The following RNF185 variants were observed in gnomAD, a reference collection of about 807,000 sequenced individuals.
The protein encoded by RNF185 is E3 ubiquitin-protein ligase RNF185.
A neutral mutation model predicts 24.9 loss-of-function variants in RNF185; 13 were observed. That is an observed-to-expected ratio of 0.52 (90% CI 0.34 to 0.83). The LOEUF is 0.83. Ranked by LOEUF, RNF185 falls within the 40% of genes least tolerant of loss-of-function variation. The probability of loss-of-function intolerance (pLI) is 0.01; values close to 1 mark genes in which losing one functional copy is unlikely to be tolerated. For missense variants in RNF185, 184 were observed against 244.7 expected (o/e 0.75, Z 1.65); for synonymous variants, 79 against 90.3 (o/e 0.88, Z 0.71).
intron 2 of RNF185, 21 bp from the exon 3 acceptor site, chr22:31,192,663 T>C: frequency 6.2e-7 from 1 of 1,612,616 alleles, no homozygotes; most frequent in Non-Finnish European, 8.5e-7. Flanking sequence ...TGATGACTGG[T>C]TGCCCTGGGG....
chr22:31,203,581 A>G (rs2048283913), intron 6 of RNF185, among the ~76,000 whole-genome samples: 1 of 152,222 alleles, frequency 6.6e-6, no homozygotes, highest in African/African-American at 2.4e-5. Context: ...TACTTAACAA[A>G]TAGTAGGCTT....
At chr22:31,190,210 TC>T (rs772285723) in intron 2 of RNF185, among the ~76,000 whole-genome samples, 24 of 152,340 alleles carry the variant, frequency 1.6e-4, no homozygotes, top group Non-Finnish European at 3.2e-4. Context: ...CCTGAAAAGT[TC>T]CTATAATCTA....
chr22:31,175,692 G>T (rs748721194), intron 1 of RNF185, among the ~76,000 whole-genome samples: 5 of 152,028 alleles, frequency 3.3e-5, no homozygotes, highest in Non-Finnish European at 5.9e-5. Flanking sequence ...AGGGCTGTTG[G>T]GTTCCAGGGA....
intron 1 of RNF185, among the ~76,000 whole-genome samples, chr22:31,174,856 G>T (rs2047965604): frequency 6.6e-6 from 1 of 151,752 alleles, no homozygotes; most frequent in Non-Finnish European, 1.5e-5. Context: ...GATCACCTGA[G>T]GTCAGGAGTT....
chr22:31,201,924 C>G (rs981840606), intron 6 of RNF185, among the ~76,000 whole-genome samples: 1 of 152,050 alleles, frequency 6.6e-6, no homozygotes, highest in Non-Finnish European at 1.5e-5. Flanking sequence ...GTAATGTTAC[C>G]AAGACATACC....
intron 1 of RNF185, among the ~76,000 whole-genome samples, chr22:31,165,128 A>G (rs1923838899): frequency 6.7e-6 from 1 of 148,796 alleles, no homozygotes; most frequent in Non-Finnish European, 1.5e-5. Flanking sequence ...ATGTTGGTCA[A>G]GCTGGTCTGG....
chr22:31,174,891 G>A (rs919738721), intron 1 of RNF185, among the ~76,000 whole-genome samples: 2 of 151,556 alleles, frequency 1.3e-5, no homozygotes, highest in East Asian at 2.0e-4. Flanking sequence ...CCAACATGCT[G>A]AAACTCGGCC....
intron 1 of RNF185, among the ~76,000 whole-genome samples, chr22:31,166,872 A>T (rs1923955825): frequency 6.6e-6 from 1 of 151,908 alleles, no homozygotes; most frequent in Non-Finnish European, 1.5e-5. Context: ...CTGGTCTCGA[A>T]CTCCTGACCT....
At chr22:31,169,240 A>C (rs1924132310) in intron 1 of RNF185, among the ~76,000 whole-genome samples, 1 of 152,070 alleles carries the variant, frequency 6.6e-6, no homozygotes, top group Non-Finnish European at 1.5e-5. Flanking sequence ...TTTGTTGTTA[A>C]GTTTTAGGAG....
In RNF185 at chr22:31,187,000, G is replaced by T. The variant is rs1357306168; in HGVS notation, c.-48-47G>T. The T allele has an allele frequency of 3.1e-6, 4 of 1,294,882 alleles. No individual in the cohort carries two copies. The East Asian group carries it at 9.5e-5, about 31-fold the overall frequency. 80.2% of individuals were successfully genotyped at this position (1,294,882 alleles called of 1,614,324 possible). A position where few individuals can be genotyped will look rare whatever the true frequency, so the allele number is the denominator to read the frequency against. Reference sequence around the variant, plus strand: ...CAGGAATGTTGGCATGGAAGCTGGGGGGAGAGGGCTGCAGAAATGGACAGT... The same window carrying T: ...CAGGAATGTTGGCATGGAAGCTGGGTGGAGAGGGCTGCAGAAATGGACAGT... On this transcript the variant is annotated intron_variant, in intron 1 of 6. Coordinates refer to ENST00000326132, the MANE Select transcript of RNF185 (RefSeq NM_152267.4).
intron 1 of RNF185, among the ~76,000 whole-genome samples, chr22:31,169,953 TC>T (rs1362901288): frequency 6.6e-6 from 1 of 152,092 alleles, no homozygotes; most frequent in African/African-American, 2.4e-5. Context: ...ATCCTTGTCT[TC>T]CAGCTGGCCT....
chr22:31,163,656 T>TTTTTTTTATTTATTTATTTA (rs1555880082), intron 1 of RNF185, among the ~76,000 whole-genome samples: 1 of 141,036 alleles, frequency 7.1e-6, no homozygotes, highest in Non-Finnish European at 1.5e-5. Context: ...TTTTATTTTA[T>TTTTTTTTATTTATTTATTTA]TTTATTTATT....
At chr22:31,190,250 G>A (rs527724440) in intron 2 of RNF185, among the ~76,000 whole-genome samples, 7 of 152,112 alleles carry the variant, frequency 4.6e-5, no homozygotes, top group South Asian at 4.1e-4. Context: ...AGAGCAGTGC[G>A]TTACCTTTTC....
At position 31,187,303 on chromosome 22, in the gene RNF185, A is replaced by G. The variant is rs754337102; in HGVS notation, c.176+33A>G. 6.2e-6 allele frequency: 10 copies of G among 1,610,512 alleles called. No homozygotes were observed. The African/African-American group carries it at 9.4e-5, about 15-fold the overall frequency. ...CCCCTACTTCCACCCCAGAGAGCAC[A>G]TTGCCAAGTTTGGAAAGCCTGTGGC... is the stretch of plus-strand genomic sequence containing the variant. On this transcript the variant is annotated intron_variant, in intron 2 of 6. Coordinates refer to ENST00000326132, the MANE Select transcript of RNF185 (RefSeq NM_152267.4).
intron 1 of RNF185, among the ~76,000 whole-genome samples, chr22:31,165,782 C>T (rs567988811): frequency 1.3e-4 from 20 of 152,262 alleles, no homozygotes; most frequent in South Asian, 1.0e-3. Flanking sequence ...GGGTGCCACT[C>T]TGCTGTATGT....
At chr22:31,198,737 T>G (rs374043061) in intron 5 of RNF185, among the ~76,000 whole-genome samples, 1 of 142,368 alleles carries the variant, frequency 7.0e-6, no homozygotes, top group Non-Finnish European at 1.5e-5. Flanking sequence ...TTTTTGAGTT[T>G]GAATAATGGC....
chr22:31,193,849 AAAAC>A (rs1028677843), intron 3 of RNF185, among the ~76,000 whole-genome samples: 95 of 152,140 alleles, frequency 6.2e-4, no homozygotes, highest in African/African-American at 2.2e-3. Context: ...AAAACAAACA[AAAAC>A]AAACCAAAAA....
At position 31,187,072 on chromosome 22, in the gene RNF185, C is replaced by T. The variant is rs1568967807; in HGVS notation, c.-23C>T. On this transcript the variant is annotated 5_prime_UTR_variant, in exon 2 of 7. Coordinates refer to ENST00000326132, the MANE Select transcript of RNF185 (RefSeq NM_152267.4). ...GATTTCCCTGGGGAAAGTCTTCACT[C>T]AGAGCTTCGCTGACAGCCAAGGATG... 2 of 1,594,106 alleles carry T rather than the reference C, an allele frequency of 1.3e-6. No homozygotes were observed. Among genetic ancestry groups the T allele is most frequent in the South Asian group, 2.2e-5 (2 of 89,238 alleles).
At position 31,163,656 on chromosome 22, in the gene RNF185, T is replaced by TTTATTTATTTA. The variant is rs71319165; in HGVS notation, c.-49+3355_-49+3356insATTTATTTATT. On this transcript the variant is annotated intron_variant, in intron 1 of 6. Transcript: ENST00000326132. ...TATTGTTTTTTAACTTTTTATTTTA[T>TTTATTTATTTA]TTTATTTATTTATTTATTTATTTAT... Among the ~76,000 whole-genome samples, 677 of 141,090 alleles carry TTTATTTATTTA rather than the reference T, an allele frequency of 4.8e-3. 4 individuals are homozygous for TTTATTTATTTA. The highest frequency in any genetic ancestry group is 0.015 in the Middle Eastern group (4 of 274). 92.6% of individuals were successfully genotyped at this position (141,090 alleles called of 152,430 possible).
Sources: allele counts gnomAD v4.1 joint callset (sites outside exome capture counted in the v4.1 genomes callset), GRCh38; gene constraint gnomAD v4.1.1; transcripts MANE v1.5; gene names NCBI Gene and HGNC (gene_info 2026-07-23, HGNC 2026-07-21).